The following CYBRD1 variants were observed in gnomAD, a reference collection of about 807,000 sequenced individuals.
CYBRD1 encodes the protein cytochrome b reductase 1, also known as plasma membrane ascorbate-dependent reductase CYBRD1.
A neutral mutation model predicts 21.9 loss-of-function variants in CYBRD1; 14 were observed. The ratio of observed to expected loss-of-function variants is 0.64; its 90% CI spans 0.42 to 1.00. The LOEUF is 1.00. CYBRD1 is among the 50% of genes least tolerant of loss of function. The pLI, the probability that CYBRD1 is intolerant of heterozygous loss-of-function variation, is 0.00. For synonymous variants in CYBRD1, 146 were observed against 136.5 expected, an observed-to-expected ratio of 1.07 and a Z score of -0.48; for missense variants, 328 against 352.5, an observed-to-expected ratio of 0.93 and a Z score of 0.56.
chr2:171,531,664 G>C (rs1362473836), intron 1 of CYBRD1, among the ~76,000 whole-genome samples: 1 of 152,046 alleles, frequency 6.6e-6, no homozygotes, highest in African/African-American at 2.4e-5. Context: ...AGGTTATATT[G>C]ATCCTTAAAT....
At chr2:171,533,145 T>C (rs185633487) in intron 1 of CYBRD1, among the ~76,000 whole-genome samples, 107 of 152,194 alleles carry the variant, frequency 7.0e-4, no homozygotes, top group Admixed American at 2.2e-3. Context: ...GGTGGGCAGA[T>C]CACTTGAGGT....
At chr2:171,548,803 A>G (rs1361551263) in intron 2 of CYBRD1, among the ~76,000 whole-genome samples, 3 of 151,714 alleles carry the variant, frequency 2.0e-5, no homozygotes, top group African/African-American at 7.2e-5. Flanking sequence ...AAGAAAAGAA[A>G]AAAAACCAAC....
intron 1 of CYBRD1, among the ~76,000 whole-genome samples, chr2:171,526,262 G>A (rs910373283): frequency 3.3e-5 from 5 of 150,800 alleles, no homozygotes; most frequent in African/African-American, 1.2e-4. Flanking sequence ...GTGAGATTCT[G>A]TCTCGAAAAA....
chr2:171,537,340 T>C (rs1484241052), intron 1 of CYBRD1, among the ~76,000 whole-genome samples: 1 of 152,244 alleles, frequency 6.6e-6, no homozygotes, highest in Non-Finnish European at 1.5e-5. Flanking sequence ...AAGAGGCATT[T>C]GCTTTCCCAG....
intron 2 of CYBRD1, among the ~76,000 whole-genome samples, chr2:171,549,900 A>G (rs768615437): frequency 1.3e-5 from 2 of 152,174 alleles, no homozygotes; most frequent in Non-Finnish European, 2.9e-5. Flanking sequence ...GGAATATTCC[A>G]CTACCTTCTC....
Position 171,522,683 on chromosome 2 carries a change from G to C in CYBRD1, c.138G>C (p.Glu46Asp). 1.2e-6 allele frequency: 2 copies of C among 1,613,566 alleles called. No homozygotes were observed. The highest frequency in any genetic ancestry group is 1.7e-6 in the Non-Finnish European group (2 of 1,179,912). The change falls in exon 1 of 4, where the codon GAG (glutamate) becomes GAC (aspartate). Residue 46 changes from glutamate to aspartate, a missense_variant. Transcript: ENST00000321348. The surrounding 1 kb of genome is among the most constrained non-coding windows in gnomAD (Gnocchi z 4.3). ...EGLGWDGSAL[E>D]FNWHPVLMVT... ...TTGGCTGGGATGGGAGCGCACTAGA[G>C]TTTAACTGGCACCCAGTGCTCATGG... is the stretch of plus-strand genomic sequence containing the variant.
At chr2:171,527,608 T>C (rs1697404062) in intron 1 of CYBRD1, among the ~76,000 whole-genome samples, 1 of 152,196 alleles carries the variant, frequency 6.6e-6, no homozygotes, top group South Asian at 2.1e-4. Context: ...GAAACGCATC[T>C]TTATTCTGAG....
chr2:171,526,728 G>C (rs2105328969), intron 1 of CYBRD1, among the ~76,000 whole-genome samples: 1 of 152,326 alleles, frequency 6.6e-6, no homozygotes, highest in Non-Finnish European at 1.5e-5. Context: ...CGCTGTCAAA[G>C]TGGCTGTTGA....
chr2:171,555,869 C>A lies in CYBRD1; in HGVS notation c.*1042C>A, dbSNP rs144783339. 46 of 152,224 alleles carry A rather than the reference C, an allele frequency of 3.0e-4. No homozygotes were observed. Among genetic ancestry groups the A allele is most frequent in the Non-Finnish European group, 5.9e-5 (4 of 68,058 alleles). The allele number at this position is 152,224 out of a possible 1,614,324, so 9.4% of individuals were successfully genotyped here. A position where few individuals can be genotyped will look rare whatever the true frequency, so the allele number is the denominator to read the frequency against. On this transcript the variant is annotated 3_prime_UTR_variant, in exon 4 of 4. Coordinates refer to ENST00000321348, the MANE Select transcript of CYBRD1 (RefSeq NM_024843.4). ...TGAGACTCAGATGCAGGCAGTCTGG[C>A]ACCTCAGTCTGGATTCTAACCATTT...
chr2:171,548,781 A>G (rs1211551710), intron 2 of CYBRD1, among the ~76,000 whole-genome samples: 1 of 151,296 alleles, frequency 6.6e-6, no homozygotes, highest in African/African-American at 2.4e-5. Context: ...AAAAAAAAAA[A>G]AAAGAAAACA....
At chr2:171,525,413 TC>T (rs891121494) in intron 1 of CYBRD1, among the ~76,000 whole-genome samples, 7 of 152,162 alleles carry the variant, frequency 4.6e-5, no homozygotes, top group African/African-American at 1.7e-4. Flanking sequence ...TGTATAGTTC[TC>T]CCCAGTTCTT....
rs948154358 is a variant in CYBRD1 at position 171,556,423 on chromosome 2, A to G, written c.*1596A>G. On this transcript the variant is annotated 3_prime_UTR_variant, in exon 4 of 4. Coordinates refer to ENST00000321348, the MANE Select transcript of CYBRD1 (RefSeq NM_024843.4). ...TCTGGGCTGACAAATTAAAACCTAG[A>G]GTAGTGCTTATGCTGAAATGATACT... The G allele has an allele frequency of 1.3e-5, 2 of 152,190 alleles. No homozygotes were observed. The highest frequency in any genetic ancestry group is 4.8e-5 in the African/African-American group (2 of 41,442). The allele number at this position is 152,190 out of a possible 1,614,324, so 9.4% of individuals were successfully genotyped here.
intron 1 of CYBRD1, among the ~76,000 whole-genome samples, chr2:171,541,378 G>C (rs1574439211): frequency 6.6e-6 from 1 of 152,138 alleles, no homozygotes; most frequent in Non-Finnish European, 1.5e-5. Flanking sequence ...CACAAGTTGG[G>C]AGTGAAGAAA....
chr2:171,522,482 C>A lies in CYBRD1; in HGVS notation c.-64C>A. On this transcript the variant is annotated 5_prime_UTR_variant, in exon 1 of 4. Coordinates refer to ENST00000321348, the MANE Select transcript of CYBRD1 (RefSeq NM_024843.4). This position sits in a 1 kb window ranked among gnomAD's most constrained non-coding sequence, Gnocchi z 4.3. ...CCCGGTCCCGCCGCCCGGCCACTAC[C>A]CAGAGGGCTGCCGCCGCCTCTCCAA... 2.6e-6 allele frequency: 4 copies of A among 1,548,860 alleles called. No homozygotes were observed. The highest frequency in any genetic ancestry group is 3.5e-6 in the Non-Finnish European group (4 of 1,148,146).
At chr2:171,530,657 T>C (rs1226206530) in intron 1 of CYBRD1, among the ~76,000 whole-genome samples, 1 of 151,916 alleles carries the variant, frequency 6.6e-6, no homozygotes, top group African/African-American at 2.4e-5. Context: ...GGCTTCTCAT[T>C]CTCCCGAGAG....
chr2:171,543,507 G>A (rs1265606453), intron 2 of CYBRD1, among the ~76,000 whole-genome samples: 1 of 151,962 alleles, frequency 6.6e-6, no homozygotes, highest in East Asian at 1.9e-4. Flanking sequence ...ACCAGATAAA[G>A]TTCTTACCTA....
At chr2:171,526,674 C>A (rs566660045) in intron 1 of CYBRD1, among the ~76,000 whole-genome samples, 1 of 152,026 alleles carries the variant, frequency 6.6e-6, no homozygotes, top group Admixed American at 6.6e-5. Flanking sequence ...ATCAGAGAAA[C>A]GAACCTTGAA....
chr2:171,548,173 G>T (rs1697745783), intron 2 of CYBRD1, among the ~76,000 whole-genome samples: 2 of 151,878 alleles, frequency 1.3e-5, no homozygotes, highest in Non-Finnish European at 2.9e-5. Context: ...TACACTGGAG[G>T]AATGCAATTT....
In CYBRD1 at chr2:171,523,051, G is replaced by A. The variant is rs1574429185; in HGVS notation, c.193+313G>A. 1.2e-5 allele frequency: 5 copies of A among 403,676 alleles called. No homozygotes were observed. In the East Asian group the frequency reaches 3.1e-4, roughly 25 times the overall value. 25.0% of individuals were successfully genotyped at this position (403,676 alleles called of 1,614,324 possible). On this transcript the variant is annotated intron_variant, in intron 1 of 3. Coordinates refer to ENST00000321348, the MANE Select transcript of CYBRD1 (RefSeq NM_024843.4). ...GTTAACTCTTTGCGGCGACTGGCTA[G>A]GACGCACTGGAGGGGCCTCCAAGAC...
Sources: gnomAD v4.1 joint callset for allele counts (sites outside exome capture counted in the v4.1 genomes callset) on GRCh38, gnomAD v4.1.1 for gene constraint, Gnocchi (gnomAD v3.1) non-coding constraint, MANE v1.5 for transcripts, NCBI Gene and HGNC (gene_info 2026-07-23, HGNC 2026-07-21) for gene names.